Variants in WWOX observed in about 807,000 individuals in gnomAD.
WWOX encodes the protein WW domain-containing oxidoreductase.
Under a neutral mutation model 46.2 loss-of-function variants are expected in WWOX, and 69 were observed. The ratio of observed to expected loss-of-function variants is 1.49; its 90% CI spans 1.23 to 1.82. The LOEUF is 1.82. Ranked by LOEUF, WWOX falls within the 40% of genes most tolerant of loss-of-function variation. WWOX has a pLI of 0.00. For missense variants in WWOX, 919 were observed against 542.6 expected, an observed-to-expected ratio of 1.69 and a Z score of -6.89; for synonymous variants, 359 against 202.6, an observed-to-expected ratio of 1.77 and a Z score of -6.56.
chr16:78,698,891 C>T (rs183741457), intron 8 of WWOX, among the ~76,000 whole-genome samples: 2 of 152,258 alleles, frequency 1.3e-5, no homozygotes, highest in East Asian at 1.9e-4. Context: ...TGTTCTGACA[C>T]TTTTATAAAT....
At chr16:79,110,002 C>G (rs1044995672) in intron 8 of WWOX, among the ~76,000 whole-genome samples, 1 of 152,158 alleles carries the variant, frequency 6.6e-6, no homozygotes, top group Non-Finnish European at 1.5e-5. Context: ...CGTTATGTCG[C>G]AAGGGCTTTG....
chr16:78,654,332 A>G (rs561457000), intron 8 of WWOX, among the ~76,000 whole-genome samples: 48 of 152,334 alleles, frequency 3.2e-4, no homozygotes, highest in Admixed American at 9.8e-4. Context: ...TAATCTTACA[A>G]TCATCATCGT....
At chr16:78,617,245 A>C (rs1450028846) in intron 8 of WWOX, among the ~76,000 whole-genome samples, 1 of 151,958 alleles carries the variant, frequency 6.6e-6, no homozygotes, top group African/African-American at 2.4e-5. Flanking sequence ...AACTAAGAAT[A>C]GAAAATATTA....
intron 8 of WWOX, among the ~76,000 whole-genome samples, chr16:78,473,417 G>A (rs528010317): frequency 8.9e-4 from 131 of 146,518 alleles, no homozygotes; most frequent in African/African-American, 3.2e-3. Context: ...GACATGAGCC[G>A]ACCTTTTTAT....
At chr16:78,220,316 G>A (rs1372797290) in intron 5 of WWOX, among the ~76,000 whole-genome samples, 1 of 152,124 alleles carries the variant, frequency 6.6e-6, no homozygotes, top group Non-Finnish European at 1.5e-5. Context: ...ACACTTAAAT[G>A]TACAGTTTTT....
At chr16:78,634,837 A>AGAGAGTGTGT (rs1346762709) in intron 8 of WWOX, among the ~76,000 whole-genome samples, 45 of 111,782 alleles carry the variant, frequency 4.0e-4, no homozygotes, top group Non-Finnish European at 5.5e-4. Context: ...AGAGAGAGAG[A>AGAGAGTGTGT]GTGTGTGTGT....
chr16:78,405,613 C>G (rs1201545638), intron 6 of WWOX, among the ~76,000 whole-genome samples: 1 of 152,174 alleles, frequency 6.6e-6, no homozygotes, highest in Admixed American at 6.5e-5. Flanking sequence ...ATGTGGAAAA[C>G]AATGTATATG....
At chr16:79,002,901 T>C (rs1234944935) in intron 8 of WWOX, among the ~76,000 whole-genome samples, 1 of 152,214 alleles carries the variant, frequency 6.6e-6, no homozygotes, top group African/African-American at 2.4e-5. Flanking sequence ...GGAGACTGCC[T>C]GTACTCCGTA....
intron 8 of WWOX, among the ~76,000 whole-genome samples, chr16:79,135,109 A>G (rs982944093): frequency 1.3e-5 from 2 of 152,096 alleles, no homozygotes; most frequent in African/African-American, 4.8e-5. Flanking sequence ...ATTTTCTAAC[A>G]ATTTTTTTCT....
intron 8 of WWOX, among the ~76,000 whole-genome samples, chr16:78,507,694 T>A (rs1429678689): frequency 1.3e-5 from 2 of 152,126 alleles, no homozygotes; most frequent in African/African-American, 4.8e-5. Context: ...CATGCGTTCT[T>A]ACCTGTTGAG....
chr16:78,424,092 CTTTTCTTTTCTTTTCTTTTTTTTT>C (rs1422087913), intron 6 of WWOX, among the ~76,000 whole-genome samples: 1 of 116,904 alleles, frequency 8.6e-6, no homozygotes, highest in East Asian at 2.9e-4. Flanking sequence ...CTTTGTTTTT[CTTTTCTTTTCTTTTCTTTTTTTTT>C]TTTGTTTTTT....
chr16:78,853,820 T>G (rs534414097), intron 8 of WWOX, among the ~76,000 whole-genome samples: 19 of 152,202 alleles, frequency 1.2e-4, no homozygotes, highest in Middle Eastern at 3.4e-3. Context: ...TTGTAATAAT[T>G]TAATAGCGAA....
intron 8 of WWOX, among the ~76,000 whole-genome samples, chr16:78,457,909 C>CAAAAAAAAAAAAAAAAAAAA (rs57956003): frequency 1.6e-4 from 14 of 86,984 alleles, no homozygotes; most frequent in African/African-American, 6.9e-4. Flanking sequence ...GACTCTGACT[C>CAAAAAAAAAAAAAAAAAAAA]AAAAAAAAAA....
intron 8 of WWOX, among the ~76,000 whole-genome samples, chr16:78,707,895 T>C (rs988905178): frequency 2.9e-4 from 44 of 151,872 alleles, no homozygotes; most frequent in Admixed American, 1.6e-3. Context: ...ATAAAGTATC[T>C]GTCCCCAAGT....
rs1457947653 is a variant in WWOX, at chr16:78,897,199, G to T, written c.1057-314409G>T. On this transcript the variant is annotated intron_variant, in intron 8 of 8. Coordinates refer to ENST00000566780, the MANE Select transcript of WWOX (RefSeq NM_016373.4). ...GCAGAGGTTGCAGTGAGCCAAGATG[G>T]CACTGCTGCACTCTAGCCTGGGTGA... 6.3e-5 allele frequency: 8 copies of T among 126,934 alleles called. No homozygotes were observed. The Admixed American group carries it at 7.7e-4, about 12-fold the overall frequency. The allele number at this position is 126,934 out of a possible 1,614,324, so 7.9% of individuals were successfully genotyped here. A position where few individuals can be genotyped will look rare whatever the true frequency, so the allele number is the denominator to read the frequency against.
intron 8 of WWOX, among the ~76,000 whole-genome samples, chr16:78,905,446 A>G (rs945232325): frequency 2.0e-5 from 3 of 152,226 alleles, no homozygotes; most frequent in Admixed American, 1.3e-4. Flanking sequence ...AAGTGGCCCA[A>G]TCATGGCTTA....
At chr16:78,553,747 C>G (rs923990895) in intron 8 of WWOX, among the ~76,000 whole-genome samples, 1 of 151,896 alleles carries the variant, frequency 6.6e-6, no homozygotes, top group African/African-American at 2.4e-5. Flanking sequence ...AGCAGGGTGA[C>G]CAGAGTAAGT....
intron 5 of WWOX, among the ~76,000 whole-genome samples, chr16:78,359,784 C>A (rs755885831): frequency 2.6e-5 from 4 of 152,200 alleles, no homozygotes; most frequent in Non-Finnish European, 5.9e-5. Flanking sequence ...GTGAGAAACA[C>A]ACAAGGCATG....
chr16:78,451,134 T>C (rs1003533896), intron 8 of WWOX, among the ~76,000 whole-genome samples: 1 of 152,210 alleles, frequency 6.6e-6, no homozygotes, highest in African/African-American at 2.4e-5. Flanking sequence ...GGGTTCTTAG[T>C]TGAACCCAGA....
Sources: allele counts gnomAD v4.1 joint callset (sites outside exome capture counted in the v4.1 genomes callset), GRCh38; gene constraint gnomAD v4.1.1; transcripts MANE v1.5; gene names NCBI Gene and HGNC (gene_info 2026-07-23, HGNC 2026-07-21).